Variants in ROBO2 observed in about 807,000 individuals in gnomAD.
ROBO2 encodes roundabout guidance receptor 2.
A neutral mutation model predicts 160.8 loss-of-function variants in ROBO2; 53 were observed. The observed-to-expected ratio is 0.33, with a 90% CI of 0.26 to 0.41. The LOEUF is 0.41. Among genes scored for constraint, ROBO2 ranks in the 10% least tolerant of loss-of-function variants. ROBO2 has a pLI of 1.00. For missense variants in ROBO2, 1,577 were observed against 1,722.4 expected, an observed-to-expected ratio of 0.92 and a Z score of 1.49; for synonymous variants, 664 against 611.7, an observed-to-expected ratio of 1.09 and a Z score of -1.26.
At chr3:76,702,326 A>G (rs552120926) in intron 2 of ROBO2, among the ~76,000 whole-genome samples, 1 of 152,046 alleles carries the variant, frequency 6.6e-6, no homozygotes, top group South Asian at 2.1e-4. Context: ...TTTCTAACCT[A>G]TGTATCAAGA....
intron 2 of ROBO2, among the ~76,000 whole-genome samples, chr3:77,000,397 G>A (rs2061276681): frequency 6.6e-6 from 1 of 152,076 alleles, no homozygotes; most frequent in African/African-American, 2.4e-5. Context: ...CTCTCAGTCT[G>A]GATGCTTCTC....
intron 1 of ROBO2, among the ~76,000 whole-genome samples, chr3:77,071,536 T>C (rs1285789379): frequency 1.3e-5 from 2 of 152,206 alleles, no homozygotes; most frequent in African/African-American, 2.4e-5. Flanking sequence ...CCATCCATTG[T>C]TTCTCCTGTC....
intron 2 of ROBO2, among the ~76,000 whole-genome samples, chr3:76,610,741 G>A (rs925699384): frequency 6.6e-5 from 10 of 152,064 alleles, no homozygotes; most frequent in Non-Finnish European, 1.0e-4. Context: ...CAGCGAGCAG[G>A]AGCATGTCAC....
intron 2 of ROBO2, among the ~76,000 whole-genome samples, chr3:76,882,411 C>T (rs2073444552): frequency 6.6e-6 from 1 of 152,082 alleles, no homozygotes; most frequent in Non-Finnish European, 1.5e-5. Flanking sequence ...ACATTTAGCA[C>T]ATTTGAAGGT....
intron 2 of ROBO2, among the ~76,000 whole-genome samples, chr3:76,228,200 A>G (rs1024050602): frequency 1.3e-5 from 2 of 152,196 alleles, no homozygotes; most frequent in African/African-American, 4.8e-5. Context: ...TTTCAACTAT[A>G]ATAATTCAAT....
chr3:76,739,365 C>G (rs369825034), intron 2 of ROBO2, among the ~76,000 whole-genome samples: 1 of 151,706 alleles, frequency 6.6e-6, no homozygotes, highest in Admixed American at 6.6e-5. Context: ...TCATTCTCAG[C>G]AAACTATCAC....
chr3:76,316,308 G>A (rs917909549), intron 2 of ROBO2, among the ~76,000 whole-genome samples: 3 of 152,080 alleles, frequency 2.0e-5, no homozygotes, highest in African/African-American at 7.2e-5. Context: ...CTGCAAGAGC[G>A]ACGATTTATA....
At chr3:76,468,787 G>T (rs779650127) in intron 2 of ROBO2, among the ~76,000 whole-genome samples, 2 of 151,834 alleles carry the variant, frequency 1.3e-5, no homozygotes, top group Non-Finnish European at 2.9e-5. Flanking sequence ...TTGTCATTCC[G>T]TGCTGGATTT....
chr3:76,248,412 A>G (rs553783306), intron 2 of ROBO2, among the ~76,000 whole-genome samples: 3 of 149,836 alleles, frequency 2.0e-5, no homozygotes, highest in Non-Finnish European at 3.0e-5. Context: ...AACACTGCAT[A>G]TTCTCACTCA....
At chr3:76,879,847 A>G (rs1287158298) in intron 2 of ROBO2, among the ~76,000 whole-genome samples, 2 of 152,182 alleles carry the variant, frequency 1.3e-5, no homozygotes, top group Non-Finnish European at 2.9e-5. Context: ...AGATGACACT[A>G]TTAAGAAGGT....
chr3:77,453,868 C>T (rs952974632), intron 2 of ROBO2, among the ~76,000 whole-genome samples: 2 of 151,918 alleles, frequency 1.3e-5, no homozygotes, highest in African/African-American at 4.8e-5. Context: ...ACATATTGAC[C>T]TTTTTATAAT....
intron 1 of ROBO2, among the ~76,000 whole-genome samples, chr3:77,043,176 T>A (rs1357833909): frequency 6.6e-6 from 1 of 152,150 alleles, no homozygotes; most frequent in Non-Finnish European, 1.5e-5. Context: ...AGAGGTTGGT[T>A]TGTAGGTTCT....
chr3:76,860,728 A>C (rs1470650746), intron 2 of ROBO2, among the ~76,000 whole-genome samples: 1 of 151,956 alleles, frequency 6.6e-6, no homozygotes, highest in Non-Finnish European at 1.5e-5. Flanking sequence ...CCTCTTTACT[A>C]TATATAATCA....
chr3:76,407,969 C>G (rs983546009), intron 2 of ROBO2, among the ~76,000 whole-genome samples: 4 of 151,866 alleles, frequency 2.6e-5, no homozygotes, highest in African/African-American at 9.7e-5. Flanking sequence ...GCTTATCAGC[C>G]ATTGCTAGTG....
chr3:76,543,805 C>CT (rs983375889), intron 2 of ROBO2, among the ~76,000 whole-genome samples: 32 of 151,886 alleles, frequency 2.1e-4, no homozygotes, highest in African/African-American at 7.7e-4. Flanking sequence ...TCCAGACCAT[C>CT]TTTTTTTTGA....
At chr3:76,386,734 G>T (rs1482208242) in intron 2 of ROBO2, among the ~76,000 whole-genome samples, 6 of 152,078 alleles carry the variant, frequency 3.9e-5, no homozygotes, top group Non-Finnish European at 8.8e-5. Context: ...GGTTTATGAT[G>T]ATTCTGTTAA....
In ROBO2 at chr3:76,091,434, G is replaced by A. The variant is rs1181394266; in HGVS notation, c.109+153832G>A. Among the ~76,000 whole-genome samples the A allele has an allele frequency of 3.3e-5, 5 of 152,166 alleles. No homozygotes were observed. In the East Asian group the frequency reaches 9.7e-4, roughly 29 times the overall value. On this transcript the variant is annotated intron_variant, in intron 2 of 26. Transcript: ENST00000487694. ...CAAATCACTGACACCACCAAATGCT[G>A]AGGAGGATGGGGAGCAACAGGACCT...
intron 2 of ROBO2, among the ~76,000 whole-genome samples, chr3:76,100,709 A>G (rs1031753532): frequency 2.6e-5 from 4 of 152,206 alleles, no homozygotes; most frequent in African/African-American, 9.6e-5. Flanking sequence ...GTAATTTTCT[A>G]GAAGAGGTAT....
chr3:77,273,396 T>C (rs1355073457), intron 2 of ROBO2, among the ~76,000 whole-genome samples: 1 of 152,176 alleles, frequency 6.6e-6, no homozygotes, highest in East Asian at 1.9e-4. Context: ...GGATCCTTGC[T>C]GAAGTACCAG....
Sources: gnomAD v4.1 joint callset for allele counts (sites outside exome capture counted in the v4.1 genomes callset) on GRCh38, gnomAD v4.1.1 for gene constraint, MANE v1.5 for transcripts, NCBI Gene and HGNC (gene_info 2026-07-23, HGNC 2026-07-21) for gene names.